Variants in BAZ2B observed in about 807,000 individuals in gnomAD.
BAZ2B encodes the protein bromodomain adjacent to zinc finger domain protein 2B.
BAZ2B carries 91 observed loss-of-function variants against 246.0 expected under a neutral mutation model. That is an observed-to-expected ratio of 0.37 (90% confidence interval 0.31 to 0.44). The LOEUF is 0.44. BAZ2B is among the 20% of genes least tolerant of loss of function. BAZ2B has a pLI of 1.00. For missense variants in BAZ2B, 2,332 were observed against 2,533.7 expected, an observed-to-expected ratio of 0.92 and a Z score of 1.71; for synonymous variants, 855 against 860.0, an observed-to-expected ratio of 0.99 and a Z score of 0.10.
the BAZ2B span, among the ~76,000 whole-genome samples, chr2:159,697,015 A>C: frequency 2.0e-5 from 3 of 152,000 alleles, no homozygotes; most frequent in Non-Finnish European, 4.4e-5. Flanking sequence ...TGAACTCCTG[A>C]CTTCAGGTGA....
Position 159,382,652 on chromosome 2 carries a change from GTCA to G in BAZ2B, c.3909_3911del (p.Asp1306del), listed in dbSNP as rs1559189105. On this transcript the variant is annotated inframe_deletion, in exon 25 of 37. Transcript: ENST00000392783. ...CATCCCCTTGGTCATCACTGTCATC[GTCA>G]TCATCATCGTCATAATCACTGTCTC... is the stretch of plus-strand genomic sequence containing the variant. 6.3e-7 allele frequency: 1 copy of G among 1,594,364 alleles called. No individual in the cohort carries two copies. The highest frequency in any genetic ancestry group is 1.1e-5 in the South Asian group (1 of 89,274).
the BAZ2B span, among the ~76,000 whole-genome samples, chr2:159,631,320 CATTTTAT>C: frequency 6.6e-5 from 10 of 152,280 alleles, no homozygotes; most frequent in South Asian, 4.2e-4. Context: ...AGAATGAACT[CATTTTAT>C]ATTTTATACT....
intron 18 of BAZ2B, chr2:159,398,422 T>C (rs998887056): frequency 6.5e-6 from 1 of 153,984 alleles, no homozygotes; most frequent in Admixed American, 6.5e-5. Context: ...GAAAAAGTTA[T>C]AAAGGGGAGA....
chr2:159,383,304 A>T (rs903174324), intron 24 of BAZ2B, among the ~76,000 whole-genome samples: 2 of 152,180 alleles, frequency 1.3e-5, no homozygotes, highest in Non-Finnish European at 2.9e-5. Context: ...TCTGTTTGTG[A>T]TAAAAGCAAC....
the BAZ2B span, among the ~76,000 whole-genome samples, chr2:159,638,297 T>C: frequency 1.7e-3 from 257 of 152,262 alleles, no homozygotes; most frequent in Non-Finnish European, 2.9e-3. Flanking sequence ...GCCCAGACGG[T>C]GGAGACTATA....
the BAZ2B span, among the ~76,000 whole-genome samples, chr2:159,661,642 G>T: frequency 6.6e-6 from 1 of 152,124 alleles, no homozygotes; most frequent in Non-Finnish European, 1.5e-5. Flanking sequence ...TATTTGATGT[G>T]TAGTGATATC....
intron 2 of BAZ2B, among the ~76,000 whole-genome samples, chr2:159,520,449 CTATATAAT>C (rs974782308): frequency 2.0e-5 from 3 of 152,094 alleles, no homozygotes; most frequent in Non-Finnish European, 4.4e-5. Flanking sequence ...CTATATATTA[CTATATAAT>C]TATTTGGGGA....
At chr2:159,459,371 G>A (rs563651050) in intron 3 of BAZ2B, 29 of 152,212 alleles carry the variant, frequency 1.9e-4, no homozygotes, top group East Asian at 5.8e-4. Flanking sequence ...TAGAATAACC[G>A]GAAATTATTC....
At chr2:159,496,256 G>T (rs1010798883) in intron 2 of BAZ2B, among the ~76,000 whole-genome samples, 2 of 148,674 alleles carry the variant, frequency 1.3e-5, no homozygotes, top group African/African-American at 4.9e-5. Flanking sequence ...CATGCCTGTA[G>T]TCCCAGCTAC....
At chr2:159,386,162 C>G (rs2062632488) in intron 22 of BAZ2B, among the ~76,000 whole-genome samples, 191 bp downstream of exon 22, 1 of 152,094 alleles carries the variant, frequency 6.6e-6, no homozygotes, top group Non-Finnish European at 1.5e-5. Flanking sequence ...GAATGGTCTA[C>G]ATTCCTTAAG....
At chr2:159,604,972 G>A (rs933060558) in intron 1 of BAZ2B, among the ~76,000 whole-genome samples, 1 of 151,734 alleles carries the variant, frequency 6.6e-6, no homozygotes, top group African/African-American at 2.4e-5. Flanking sequence ...GCGCGCGCTA[G>A]GAGAGAGAGA....
intron 1 of BAZ2B, among the ~76,000 whole-genome samples, chr2:159,566,125 C>T (rs1231959417): frequency 1.3e-5 from 2 of 152,164 alleles, no homozygotes; most frequent in African/African-American, 4.8e-5. Flanking sequence ...GATTCTCCTG[C>T]CTCAGCCTCC....
chr2:159,519,236 T>TTTTTTA (rs1553692833), intron 2 of BAZ2B, among the ~76,000 whole-genome samples: 1 of 70,612 alleles, frequency 1.4e-5, no homozygotes, highest in Non-Finnish European at 2.8e-5. Context: ...TTTTTTTTTT[T>TTTTTTA]TTTTGAGACG....
rs570224231 is a variant in BAZ2B at position 159,340,956 on chromosome 2, G to A, written c.5455-3184C>T. ...AAATAAATAATAATCAAGGAAGTAA[G>A]GAACAAAGGATTATACAAAACAAGA... On this transcript the variant is annotated intron_variant, in intron 31 of 36. Coordinates refer to ENST00000392783, the MANE Select transcript of BAZ2B (RefSeq NM_013450.4). Among the ~76,000 whole-genome samples the A allele has an allele frequency of 2.6e-5, 4 of 152,086 alleles. No homozygotes were observed. In the South Asian group the frequency reaches 8.3e-4, roughly 32 times the overall value.
At chr2:159,398,770 G>A in intron 18 of BAZ2B, 59 bp downstream of exon 18, 1 of 1,472,164 alleles carries the variant, frequency 6.8e-7, no homozygotes, top group South Asian at 1.2e-5. Flanking sequence ...ACTGATGCCA[G>A]TATAACATAT....
intron 26 of BAZ2B, 53 bp from the exon 27 acceptor site, chr2:159,373,242 A>C: frequency 6.6e-7 from 1 of 1,513,756 alleles, no homozygotes; most frequent in Non-Finnish European, 9.0e-7. Context: ...ATGCTTTAAA[A>C]ATTAATATAT....
At chr2:159,317,199 T>C (rs1403898842), downstream of BAZ2B, among the ~76,000 whole-genome samples, 1 of 152,176 alleles carries the variant, frequency 6.6e-6, no homozygotes, top group Non-Finnish European at 1.5e-5. Flanking sequence ...GATTTCCTTG[T>C]TGAGGATGTG....
At chr2:159,483,846 C>G (rs994369706) in intron 2 of BAZ2B, among the ~76,000 whole-genome samples, 14 of 151,198 alleles carry the variant, frequency 9.3e-5, no homozygotes, top group Non-Finnish European at 1.6e-4. Flanking sequence ...AGAAGGTTAA[C>G]TAGTTAAAAG....
At chr2:159,668,738 T>C in the BAZ2B span, among the ~76,000 whole-genome samples, 13 of 152,132 alleles carry the variant, frequency 8.5e-5, no homozygotes, top group Admixed American at 8.5e-4. Flanking sequence ...TCTTAAAATC[T>C]CAGGTCATTA....
Sources: gnomAD v4.1 joint callset for allele counts (sites outside exome capture counted in the v4.1 genomes callset) on GRCh38, gnomAD v4.1.1 for gene constraint, MANE v1.5 for transcripts, NCBI Gene and HGNC (gene_info 2026-07-23, HGNC 2026-07-21) for gene names.